KSR2: variants seen among roughly 807,000 people sequenced by gnomAD.
KSR2 encodes the protein kinase suppressor of ras 2.
KSR2 carries 25 observed loss-of-function variants against 107.8 expected under a neutral mutation model. That is an observed-to-expected ratio of 0.23 (90% CI 0.17 to 0.32). The LOEUF is 0.32. KSR2 is among the 10% of genes least tolerant of loss of function. KSR2 has a pLI of 1.00. For missense variants in KSR2, 887 were observed against 1,268.9 expected, an observed-to-expected ratio of 0.70 and a Z score of 4.57; for synonymous variants, 480 against 507.0, an observed-to-expected ratio of 0.95 and a Z score of 0.71.
At chr12:117,753,945 AGCGTGTGT>A (rs1353684948) in intron 4 of KSR2, among the ~76,000 whole-genome samples, 2 of 125,600 alleles carry the variant, frequency 1.6e-5, no homozygotes, top group South Asian at 3.0e-4. Flanking sequence ...GAAAGTATAG[AGCGTGTGT>A]GTGTGTGTGT....
intron 4 of KSR2, among the ~76,000 whole-genome samples, chr12:117,667,941 G>T (rs1884737791): frequency 6.6e-6 from 1 of 152,172 alleles, no homozygotes; most frequent in Admixed American, 6.5e-5. Flanking sequence ...GAGAGCCAGT[G>T]TCAAGTTCAG....
rs79297345 is a variant in KSR2, at chr12:117,885,274, G to A, written c.181-24843C>T. Among the ~76,000 whole-genome samples the A allele has an allele frequency of 7.5e-3, 1,149 of 152,304 alleles. 15 individuals are homozygous for A. The highest frequency in any genetic ancestry group is 0.026 in the African/African-American group (1,069 of 41,558). ...CCCCTATTTATTGAGTGCTTTCTAC[G>A]TAGAAGGCATGACGCCAAGCACTTT... On this transcript the variant is annotated intron_variant, in intron 1 of 19. Transcript: ENST00000339824.
At chr12:117,923,970 C>T (rs565958465) in intron 1 of KSR2, among the ~76,000 whole-genome samples, 10 of 150,088 alleles carry the variant, frequency 6.7e-5, no homozygotes, top group African/African-American at 1.2e-4. Context: ...CTTCCACTTC[C>T]GGGGTTCAAG....
At chr12:117,677,513 G>A (rs889383257) in intron 4 of KSR2, among the ~76,000 whole-genome samples, 1 of 152,120 alleles carries the variant, frequency 6.6e-6, no homozygotes, top group South Asian at 2.1e-4. Flanking sequence ...CTCTAGAACT[G>A]TGAGAAAATA....
chr12:117,734,774 A>ATGGATGGATGGATGGG (rs1887878220), intron 4 of KSR2, among the ~76,000 whole-genome samples: 1 of 152,000 alleles, frequency 6.6e-6, no homozygotes, highest in African/African-American at 2.4e-5. Flanking sequence ...GGATGGATGG[A>ATGGATGGATGGATGGG]TGGAAACTAA....
intron 3 of KSR2, among the ~76,000 whole-genome samples, chr12:117,836,327 A>T (rs908158850): frequency 6.6e-6 from 1 of 152,062 alleles, no homozygotes; most frequent in Non-Finnish European, 1.5e-5. Flanking sequence ...TTCCAGAAAG[A>T]TACTGGAGGC....
chr12:117,692,272 G>A (rs949733853), intron 4 of KSR2, among the ~76,000 whole-genome samples: 17 of 151,860 alleles, frequency 1.1e-4, no homozygotes, highest in Admixed American at 6.6e-4. Flanking sequence ...CTTCACAACC[G>A]CTAGGGTAGC....
chr12:117,825,885 G>T (rs1453190483), intron 3 of KSR2, among the ~76,000 whole-genome samples: 29 of 143,798 alleles, frequency 2.0e-4, no homozygotes, highest in African/African-American at 7.4e-4. Flanking sequence ...ACAGATGCAT[G>T]CATGCATGCA....
At chr12:117,725,019 A>G (rs1295138352) in intron 4 of KSR2, among the ~76,000 whole-genome samples, 2 of 151,834 alleles carry the variant, frequency 1.3e-5, no homozygotes, top group Non-Finnish European at 2.9e-5. Context: ...AAGAACAGGG[A>G]TGCTCAGGGC....
At position 117,819,804 on chromosome 12, in the gene KSR2, G is replaced by A. The variant is rs530221933; in HGVS notation, c.472+35624C>T. On this transcript the variant is annotated intron_variant, in intron 3 of 19. Coordinates refer to ENST00000339824, the MANE Select transcript of KSR2 (RefSeq NM_173598.6). ...GTTCACAGGAAGGAAACAGGGTATA[G>A]CTATTAAGCGTGATATTTTCAAAAA... Among the ~76,000 whole-genome samples, 17 of 152,178 alleles carry A rather than the reference G, an allele frequency of 1.1e-4. No homozygotes were observed. The South Asian group carries it at 3.1e-3, about 28-fold the overall frequency.
chr12:117,638,516 GAAAA>G (rs34243226), intron 5 of KSR2, among the ~76,000 whole-genome samples: 1 of 142,834 alleles, frequency 7.0e-6, no homozygotes, highest in Non-Finnish European at 1.5e-5. Flanking sequence ...AATATTCAGG[GAAAA>G]AAAAAAAAGC....
At chr12:117,891,683 A>C (rs12100012) in intron 1 of KSR2, among the ~76,000 whole-genome samples, 2,691 of 152,048 alleles carry the variant, frequency 0.018, 54 homozygotes, top group African/African-American at 0.047. Context: ...AACCAACCAA[A>C]CAAACAAACA....
intron 3 of KSR2, among the ~76,000 whole-genome samples, chr12:117,814,799 C>T (rs1330838043): frequency 6.6e-6 from 1 of 152,180 alleles, no homozygotes; most frequent in Non-Finnish European, 1.5e-5. Context: ...GTACTTGAAT[C>T]ACCCAGGTAC....
chr12:117,597,575 C>G (rs1366448343), intron 5 of KSR2, among the ~76,000 whole-genome samples: 1 of 152,136 alleles, frequency 6.6e-6, no homozygotes, highest in Non-Finnish European at 1.5e-5. Context: ...TTCCGGAGAG[C>G]CTCTACAAGG....
Position 117,465,234 on chromosome 12 carries a change from T to A in KSR2, c.*1965A>T, listed in dbSNP as rs771744898. Reference sequence around the variant, plus strand: ...TGTGTTGGGATGGGGAGGTGTCCATTGACAAGAGCCATCCCCAGCAACCCC... The same window carrying A: ...TGTGTTGGGATGGGGAGGTGTCCATAGACAAGAGCCATCCCCAGCAACCCC... On this transcript the variant is annotated 3_prime_UTR_variant, in exon 20 of 20. Transcript: ENST00000339824. The A allele has an allele frequency of 1.3e-5, 2 of 152,088 alleles. No individual in the cohort carries two copies. Among genetic ancestry groups the A allele is most frequent in the Non-Finnish European group, 2.9e-5 (2 of 68,032 alleles). The allele number at this position is 152,088 out of a possible 1,614,324, so 9.4% of individuals were successfully genotyped here.
At chr12:117,899,757 C>T (rs1458887019) in intron 1 of KSR2, among the ~76,000 whole-genome samples, 1 of 152,136 alleles carries the variant, frequency 6.6e-6, no homozygotes, top group East Asian at 1.9e-4. Context: ...ATAATTACAA[C>T]TCATTATCTA....
chr12:117,810,713 A>T (rs528877592), intron 3 of KSR2, among the ~76,000 whole-genome samples: 1 of 152,356 alleles, frequency 6.6e-6, no homozygotes, highest in South Asian at 2.1e-4. Flanking sequence ...AATGAAGGAC[A>T]GATGCTGCAG....
chr12:117,617,037 C>T (rs1365037515), intron 5 of KSR2, among the ~76,000 whole-genome samples: 1 of 152,102 alleles, frequency 6.6e-6, no homozygotes, highest in Admixed American at 6.5e-5. Context: ...ATGTGGTTTC[C>T]TTTGCATTCA....
At chr12:117,618,434 T>C (rs1881999477) in intron 5 of KSR2, among the ~76,000 whole-genome samples, 1 of 152,118 alleles carries the variant, frequency 6.6e-6, no homozygotes, top group South Asian at 2.1e-4. Flanking sequence ...AATTAGCAAG[T>C]ATCTTGAGAG....
Sources: allele counts gnomAD v4.1 joint callset (sites outside exome capture counted in the v4.1 genomes callset), GRCh38; gene constraint gnomAD v4.1.1; transcripts MANE v1.5; gene names NCBI Gene and HGNC (gene_info 2026-07-23, HGNC 2026-07-21).